The following MOXD1 variants were observed in gnomAD, a reference collection of about 807,000 sequenced individuals.
MOXD1 encodes the protein DBH-like monooxygenase protein 1.
MOXD1 carries 62 observed loss-of-function variants against 66.6 expected under a neutral mutation model. The ratio of observed to expected loss-of-function variants is 0.93; its 90% CI spans 0.76 to 1.15. The LOEUF (loss-of-function observed/expected upper bound fraction) is 1.15. Ranked by LOEUF, MOXD1 falls within the 50% of genes most tolerant of loss-of-function variation. The pLI, the probability that MOXD1 is intolerant of heterozygous loss-of-function variation, is 0.00. For missense variants in MOXD1, 847 were observed against 754.6 expected, an observed-to-expected ratio of 1.12 and a Z score of -1.44; for synonymous variants, 303 against 281.9, an observed-to-expected ratio of 1.07 and a Z score of -0.75.
At chr6:132,386,435 AAAAAAAAAAAC>A (rs1190344172) in intron 1 of MOXD1, among the ~76,000 whole-genome samples, 1 of 144,722 alleles carries the variant, frequency 6.9e-6, no homozygotes, top group Non-Finnish European at 1.5e-5. Context: ...AAACAAAACA[AAAAAAAAAAAC>A]AAAAAAAAAA....
At chr6:132,392,065 A>T (rs1172696305) in intron 1 of MOXD1, 20 of 979,944 alleles carry the variant, frequency 2.0e-5, no homozygotes, top group Non-Finnish European at 2.8e-5. Flanking sequence ...AGGGTTGCAC[A>T]CTCTCTTCAT....
intron 9 of MOXD1, among the ~76,000 whole-genome samples, chr6:132,316,680 A>G (rs2114559408): frequency 6.6e-6 from 1 of 152,298 alleles, no homozygotes; most frequent in East Asian, 1.9e-4. Flanking sequence ...AAGATTAATC[A>G]ATAGAAATTG....
At chr6:132,377,170 G>T (rs1776407544) in intron 1 of MOXD1, among the ~76,000 whole-genome samples, 2 of 152,118 alleles carry the variant, frequency 1.3e-5, no homozygotes, top group Admixed American at 1.3e-4. Context: ...CAAAGTTGAG[G>T]TTTGTCAAAA....
At chr6:132,341,499 C>G (rs765135225) in intron 4 of MOXD1, among the ~76,000 whole-genome samples, 11 of 152,320 alleles carry the variant, frequency 7.2e-5, no homozygotes, top group African/African-American at 1.9e-4. Context: ...CTTCCCAAAT[C>G]GCACTTTTCA....
chr6:132,326,406 T>C (rs1396611565), intron 6 of MOXD1, among the ~76,000 whole-genome samples: 1 of 151,952 alleles, frequency 6.6e-6, no homozygotes, highest in Non-Finnish European at 1.5e-5. Flanking sequence ...GCAAATAAAT[T>C]AAGCCTTCTA....
At chr6:132,394,973 T>G (rs75846368) in intron 1 of MOXD1, among the ~76,000 whole-genome samples, 4,610 of 152,180 alleles carry the variant, frequency 0.03, 234 homozygotes, top group African/African-American at 0.1. Flanking sequence ...TCCATATAGA[T>G]ACAATTCAAA....
chr6:132,363,883 T>C (rs923696033), intron 4 of MOXD1, among the ~76,000 whole-genome samples: 2 of 151,766 alleles, frequency 1.3e-5, no homozygotes, highest in Non-Finnish European at 2.9e-5. Flanking sequence ...ATAAATATCT[T>C]AGTATTCTTT....
intron 10 of MOXD1, among the ~76,000 whole-genome samples, chr6:132,312,158 GA>G (rs1774844517): frequency 6.6e-6 from 1 of 151,276 alleles, no homozygotes; most frequent in Admixed American, 6.6e-5. Context: ...GTAGGAGGCA[GA>G]CAGAAATAGC....
chr6:132,367,631 A>T (rs563187693), intron 4 of MOXD1, among the ~76,000 whole-genome samples: 1 of 152,078 alleles, frequency 6.6e-6, no homozygotes, highest in African/African-American at 2.4e-5. Flanking sequence ...AGGGAGCAAC[A>T]TTGAAAATAA....
At chr6:132,342,480 T>C (rs1714160638) in intron 4 of MOXD1, among the ~76,000 whole-genome samples, 2 of 152,242 alleles carry the variant, frequency 1.3e-5, no homozygotes, top group Middle Eastern at 3.2e-3. Context: ...TAACAGTTCA[T>C]TGTTTTACTA....
rs868110638 is a variant in MOXD1, at chr6:132,328,613, G to C, written c.664-19C>G. ...GCTCAACCTACACGAACATAAATGA[G>C]AGGGAGGACACAATAAATAAGACCA... On this transcript the variant is annotated intron_variant, in intron 4 of 11. Coordinates refer to ENST00000367963, the MANE Select transcript of MOXD1 (RefSeq NM_015529.4). 6 of 1,609,584 alleles carry C rather than the reference G, an allele frequency of 3.7e-6. No homozygotes were observed. The Middle Eastern group carries it at 1.0e-3, about 271-fold the overall frequency.
chr6:132,361,220 TC>T (rs1179138366), intron 4 of MOXD1, among the ~76,000 whole-genome samples: 2 of 152,086 alleles, frequency 1.3e-5, no homozygotes, highest in African/African-American at 4.8e-5. Context: ...AAATCTTTTT[TC>T]TGTCTTAGAA....
At chr6:132,303,477 C>T (rs372884113) in intron 10 of MOXD1, among the ~76,000 whole-genome samples, 9 of 152,008 alleles carry the variant, frequency 5.9e-5, no homozygotes, top group Non-Finnish European at 1.2e-4. Flanking sequence ...TATGCACATG[C>T]TCCTAGCTAC....
chr6:132,350,994 G>T (rs983894473), intron 4 of MOXD1, among the ~76,000 whole-genome samples: 4 of 152,104 alleles, frequency 2.6e-5, no homozygotes, highest in African/African-American at 9.7e-5. Flanking sequence ...CCTTAATATT[G>T]TATCCAGAAA....
chr6:132,299,599 G>A (rs7762650), intron 10 of MOXD1, among the ~76,000 whole-genome samples: 2 of 152,062 alleles, frequency 1.3e-5, no homozygotes, highest in African/African-American at 4.8e-5. Flanking sequence ...AAGTGAAAAA[G>A]TGAATGACAT....
intron 4 of MOXD1, among the ~76,000 whole-genome samples, chr6:132,329,791 T>C (rs1275639031): frequency 6.6e-6 from 1 of 152,136 alleles, no homozygotes; most frequent in Non-Finnish European, 1.5e-5. Flanking sequence ...TCCTTGCACA[T>C]TTTATTTTTA....
chr6:132,342,279 C>T (rs991926577), intron 4 of MOXD1, among the ~76,000 whole-genome samples: 1 of 152,198 alleles, frequency 6.6e-6, no homozygotes, highest in African/African-American at 2.4e-5. Flanking sequence ...GGATTACAGG[C>T]GTGAGCCACC....
At chr6:132,311,935 T>C (rs1774839714) in intron 10 of MOXD1, among the ~76,000 whole-genome samples, 1 of 152,110 alleles carries the variant, frequency 6.6e-6, no homozygotes, top group South Asian at 2.1e-4. Context: ...TAAAGTGATT[T>C]TTCTGCAAAG....
At chr6:132,390,184 A>G (rs1232013291) in intron 1 of MOXD1, among the ~76,000 whole-genome samples, 2 of 151,604 alleles carry the variant, frequency 1.3e-5, no homozygotes, top group Non-Finnish European at 1.5e-5. Context: ...CATGCGGTTC[A>G]GACACATTTG....
Sources: gnomAD v4.1 joint callset for allele counts (sites outside exome capture counted in the v4.1 genomes callset) on GRCh38, gnomAD v4.1.1 for gene constraint, MANE v1.5 for transcripts, NCBI Gene and HGNC (gene_info 2026-07-23, HGNC 2026-07-21) for gene names.